Variants in KIF26B observed in about 807,000 individuals in gnomAD.
KIF26B encodes the protein kinesin family member 26B.
A neutral mutation model predicts 151.2 loss-of-function variants in KIF26B; 63 were observed. The ratio of observed to expected loss-of-function variants is 0.42; its 90% CI spans 0.34 to 0.51. KIF26B has a LOEUF of 0.51. Among genes scored for constraint, KIF26B ranks in the 20% least tolerant of loss-of-function variants. The pLI is 0.07. For synonymous variants in KIF26B, 1,357 were observed against 1,262.1 expected, an observed-to-expected ratio of 1.08 and a Z score of -1.59; for missense variants, 2,813 against 2,913.6, an observed-to-expected ratio of 0.97 and a Z score of 0.79.
chr1:245,213,571 G>A (rs1000053731), intron 2 of KIF26B, among the ~76,000 whole-genome samples: 6 of 152,216 alleles, frequency 3.9e-5, no homozygotes, highest in East Asian at 1.9e-4. Context: ...AAAGAAGGGC[G>A]TGGGGCAGGA....
In KIF26B at chr1:245,702,662, G is replaced by A; in HGVS notation, c.*56G>A. 1 of 1,576,646 alleles carries A rather than the reference G, an allele frequency of 6.3e-7. No homozygotes were observed. The highest frequency in any genetic ancestry group is 8.6e-7 in the Non-Finnish European group (1 of 1,157,572). ...CGCTCCCCAGGACTTCAGAGATGTT[G>A]CACGCCCCTAGGCCCTCTGTGCTGG... On this transcript the variant is annotated 3_prime_UTR_variant, in exon 15 of 15. Coordinates refer to ENST00000407071, the MANE Select transcript of KIF26B (RefSeq NM_018012.4). This position sits in a 1 kb window ranked among gnomAD's most constrained non-coding sequence, Gnocchi z 4.1.
chr1:245,614,852 A>G (rs947570426), intron 9 of KIF26B: 4 of 151,458 alleles, frequency 2.6e-5, no homozygotes, highest in African/African-American at 9.7e-5. Flanking sequence ...AAAGAAGGAA[A>G]CGCATTCGGA....
At chr1:245,222,211 C>T (rs1473154019) in intron 2 of KIF26B, among the ~76,000 whole-genome samples, 3 of 152,072 alleles carry the variant, frequency 2.0e-5, no homozygotes, top group Non-Finnish European at 2.9e-5. Context: ...CTGAGGCAGG[C>T]GGATCACCTG....
chr1:245,503,774 G>C (rs1481963829), intron 4 of KIF26B, among the ~76,000 whole-genome samples: 1 of 152,216 alleles, frequency 6.6e-6, no homozygotes, highest in Non-Finnish European at 1.5e-5. Flanking sequence ...GCCGCAGGGT[G>C]GCTGTCTTGC....
chr1:245,493,822 G>A (rs1660455187), intron 4 of KIF26B, among the ~76,000 whole-genome samples: 1 of 152,178 alleles, frequency 6.6e-6, no homozygotes, highest in South Asian at 2.1e-4. Context: ...TTGGGATTCA[G>A]ACCTGCCAAG....
At chr1:245,429,552 G>A (rs561220328) in intron 4 of KIF26B, among the ~76,000 whole-genome samples, 24 of 152,286 alleles carry the variant, frequency 1.6e-4, no homozygotes, top group African/African-American at 5.8e-4. Context: ...CTGCATTTTA[G>A]CAGAGCTCCA....
intron 5 of KIF26B, among the ~76,000 whole-genome samples, chr1:245,568,516 G>GA (rs1245199520): frequency 2.6e-5 from 4 of 152,108 alleles, no homozygotes; most frequent in Non-Finnish European, 5.9e-5. Context: ...TCTCAAAAAG[G>GA]AAAAAGAAAA....
chr1:245,220,805 G>T (rs2103548900), intron 2 of KIF26B, among the ~76,000 whole-genome samples: 1 of 152,236 alleles, frequency 6.6e-6, no homozygotes, highest in Non-Finnish European at 1.5e-5. Flanking sequence ...GGCTGGGGTG[G>T]GTATGGACAG....
chr1:245,334,601 G>A (rs1259207863), intron 2 of KIF26B, among the ~76,000 whole-genome samples: 2 of 152,196 alleles, frequency 1.3e-5, no homozygotes, highest in South Asian at 2.1e-4. Flanking sequence ...GTCAGACCCC[G>A]GCTCCCTGGA....
intron 3 of KIF26B, among the ~76,000 whole-genome samples, chr1:245,402,089 G>A (rs1186445): frequency 0.42 from 64,213 of 152,004 alleles, 15,688 homozygotes; most frequent in South Asian, 0.64. Flanking sequence ...GGTGAGGCTG[G>A]GCTGGCCTGC....
intron 4 of KIF26B, among the ~76,000 whole-genome samples, chr1:245,472,322 G>A (rs1243248014): frequency 1.3e-5 from 2 of 152,152 alleles, no homozygotes; most frequent in Non-Finnish European, 2.9e-5. Context: ...TGGCCTGCTT[G>A]TAAAACCTTC....
chr1:245,491,582 G>A (rs1456550561), intron 4 of KIF26B, among the ~76,000 whole-genome samples: 1 of 152,138 alleles, frequency 6.6e-6, no homozygotes, highest in Non-Finnish European at 1.5e-5. Context: ...GAGAGAAAAC[G>A]AGGAGCTGTA....
Position 245,688,539 on chromosome 1 carries a change from C to T in KIF26B, c.5556C>T (p.Ser1852=). The part of the protein sequence containing the change: ...AAAHLLPSPY[S]KITPPRRPHR... Reference sequence around the variant, plus strand: ...CGCACCTGCTCCCGTCGCCCTACAGCAAGATCACGCCCCCGCGGAGGCCCC... The same window carrying T: ...CGCACCTGCTCCCGTCGCCCTACAGTAAGATCACGCCCCCGCGGAGGCCCC... The change falls in exon 12 of 15, where the codon AGC becomes AGT. Residue 1852 remains serine, a synonymous_variant. Coordinates refer to ENST00000407071, the MANE Select transcript of KIF26B (RefSeq NM_018012.4). 6.5e-7 allele frequency: 1 copy of T among 1,538,862 alleles called. No homozygotes were observed. The highest frequency in any genetic ancestry group is 1.2e-5 in the South Asian group (1 of 83,708).
chr1:245,623,740 T>G (rs1384960795), intron 9 of KIF26B, among the ~76,000 whole-genome samples: 1 of 152,216 alleles, frequency 6.6e-6, no homozygotes, highest in African/African-American at 2.4e-5. Context: ...ATAAGGTATA[T>G]ATGAAACATA....
At chr1:245,313,835 T>C (rs554433461) in intron 2 of KIF26B, among the ~76,000 whole-genome samples, 3 of 152,342 alleles carry the variant, frequency 2.0e-5, no homozygotes, top group African/African-American at 7.2e-5. Flanking sequence ...CACCTTGTCC[T>C]GAAACTGTTA....
At chr1:245,477,679 A>G (rs1227189275) in intron 4 of KIF26B, among the ~76,000 whole-genome samples, 1 of 151,676 alleles carries the variant, frequency 6.6e-6, no homozygotes, top group Non-Finnish European at 1.5e-5. Flanking sequence ...AGGGAACAGC[A>G]AGGTTAAAGG....
chr1:245,434,143 G>T (rs1658847511), intron 4 of KIF26B, among the ~76,000 whole-genome samples: 1 of 152,148 alleles, frequency 6.6e-6, no homozygotes, highest in African/African-American at 2.4e-5. Flanking sequence ...TGGCAAGGTT[G>T]TATTTGTGGA....
intron 2 of KIF26B, among the ~76,000 whole-genome samples, chr1:245,264,969 G>A (rs1173065656): frequency 1.8e-4 from 26 of 145,424 alleles, no homozygotes; most frequent in South Asian, 1.1e-3. Context: ...GGAGGCCGAG[G>A]CGGGCAGATC....
intron 2 of KIF26B, among the ~76,000 whole-genome samples, chr1:245,183,012 C>T (rs187398242): frequency 2.0e-5 from 3 of 152,302 alleles, no homozygotes; most frequent in Non-Finnish European, 2.9e-5. Context: ...ATGAGGCTTT[C>T]GATGCTAGTA....
Sources: allele counts gnomAD v4.1 joint callset (sites outside exome capture counted in the v4.1 genomes callset), GRCh38; gene constraint gnomAD v4.1.1; non-coding constraint Gnocchi (gnomAD v3.1); transcripts MANE v1.5; gene names NCBI Gene and HGNC (gene_info 2026-07-23, HGNC 2026-07-21).